NTSR1: variants seen among roughly 807,000 people sequenced by gnomAD.
The protein encoded by NTSR1 is neurotensin receptor 1, also known as neurotensin receptor type 1.
NTSR1 carries 29 observed loss-of-function variants against 31.2 expected under a neutral mutation model. The observed-to-expected ratio is 0.93, with a 90% confidence interval of 0.69 to 1.27. The LOEUF is 1.27. Among genes scored for constraint, NTSR1 ranks in the 50% most tolerant of loss-of-function variants. The pLI, the probability that NTSR1 is intolerant of heterozygous loss-of-function variation, is 0.00. For missense variants in NTSR1, 697 were observed against 595.4 expected (o/e 1.17, Z -1.78); for synonymous variants, 282 against 269.9 (o/e 1.04, Z -0.44).
rs1427583181 is a variant in NTSR1 at position 62,714,619 on chromosome 20, G to T, written c.714+4698G>T. On this transcript the variant is annotated intron_variant, in intron 1 of 3. Transcript: ENST00000370501. The surrounding 1 kb of genome is among the most constrained non-coding windows in gnomAD (Gnocchi z 4.1). Reference sequence around the variant, plus strand: ...AAAGCCATTGAATCTGAATCTCATGGAGCCCCTGATCCAACACACAGGACA... The same window carrying T: ...AAAGCCATTGAATCTGAATCTCATGTAGCCCCTGATCCAACACACAGGACA... Among the ~76,000 whole-genome samples, 1 of 152,110 alleles carries T rather than the reference G, an allele frequency of 6.6e-6. No individual in the cohort carries two copies. The highest frequency in any genetic ancestry group is 1.5e-5 in the Non-Finnish European group (1 of 68,036).
At chr20:62,740,708 C>A (rs1036586144) in intron 1 of NTSR1, among the ~76,000 whole-genome samples, 35 of 152,344 alleles carry the variant, frequency 2.3e-4, no homozygotes, top group African/African-American at 8.2e-4. Flanking sequence ...GGGCCGTGAC[C>A]GGGGCCAGAA....
At chr20:62,752,219 C>T (rs1779941533) in intron 1 of NTSR1, among the ~76,000 whole-genome samples, 1 of 152,226 alleles carries the variant, frequency 6.6e-6, no homozygotes, top group Non-Finnish European at 1.5e-5. Context: ...CCCCCAGCAG[C>T]ATCGCAGGCT....
rs73918683 is a variant in NTSR1, at chr20:62,760,252, C to T, written c.1242C>T (p.Arg414=). ...SNHTLSSNAT[R]ETLY ...ACACCCTCTCCAGCAATGCCACCCG[C>T]GAGACGCTGTACTAGGCTGTGCGCC... The change falls in exon 4 of 4, where the codon CGC becomes CGT. Residue 414 remains arginine, a synonymous_variant. Transcript: ENST00000370501. 15 of 1,611,954 alleles carry T rather than the reference C, an allele frequency of 9.3e-6. No individual in the cohort carries two copies. Among genetic ancestry groups the T allele is most frequent in the Admixed American group, 6.7e-5 (4 of 59,984 alleles).
chr20:62,748,399 T>C (rs1025425500), intron 1 of NTSR1, among the ~76,000 whole-genome samples: 2 of 151,516 alleles, frequency 1.3e-5, no homozygotes, highest in African/African-American at 4.9e-5. Flanking sequence ...AAAATTTCAA[T>C]GACATTTTAC....
intron 1 of NTSR1, among the ~76,000 whole-genome samples, chr20:62,753,595 G>C (rs1332799517): frequency 6.6e-6 from 1 of 152,226 alleles, no homozygotes; most frequent in Non-Finnish European, 1.5e-5. Flanking sequence ...TGGCAGAGAG[G>C]GGGCAGCCTC....
In NTSR1 at chr20:62,711,367, T is replaced by C. The variant is rs1436705479; in HGVS notation, c.714+1446T>C. Among the ~76,000 whole-genome samples, 1 of 152,146 alleles carries C rather than the reference T, an allele frequency of 6.6e-6. No homozygotes were observed. The highest frequency in any genetic ancestry group is 1.9e-4 in the East Asian group (1 of 5,182). ...AGTGAGAAATGACCTCTCCCTCCCT[T>C]TGAGGCTTTATCTGCTCTCCCCAAG... On this transcript the variant is annotated intron_variant, in intron 1 of 3. Coordinates refer to ENST00000370501, the MANE Select transcript of NTSR1 (RefSeq NM_002531.3). This position sits in a 1 kb window ranked among gnomAD's most constrained non-coding sequence, Gnocchi z 6.4.
intron 1 of NTSR1, among the ~76,000 whole-genome samples, chr20:62,721,588 G>A (rs1009714854): frequency 1.3e-5 from 2 of 152,200 alleles, no homozygotes; most frequent in African/African-American, 4.8e-5. Context: ...CCATTCAGGG[G>A]CAGGCTTAGA....
chr20:62,754,870 C>T lies in NTSR1; in HGVS notation c.900C>T (p.His300=), dbSNP rs772417399. The T allele has an allele frequency of 7.5e-6, 12 of 1,601,718 alleles. No homozygotes were observed. Among genetic ancestry groups the T allele is most frequent in the South Asian group, 4.4e-5 (4 of 90,824 alleles). Residue 300 remains histidine, a synonymous_variant, in exon 2 of 4, where the codon CAC becomes CAT. Transcript: ENST00000370501. ...CTGGCAGGGTCCAGGCCCTGCGGCA[C>T]GGCGTGCGCGTCCTACGTACGTAAC... ...IEPGRVQALR[H]GVRVLRAVVI... is the part of the protein sequence containing the mutation.
chr20:62,715,089 A>G lies in NTSR1; in HGVS notation c.714+5168A>G, dbSNP rs1484364899. 6.6e-6 allele frequency among the ~76,000 whole-genome samples: 1 copy of G among 152,226 alleles called. No individual in the cohort carries two copies. Among genetic ancestry groups the G allele is most frequent in the Non-Finnish European group, 1.5e-5 (1 of 68,044 alleles). On this transcript the variant is annotated intron_variant, in intron 1 of 3. Transcript: ENST00000370501. This position sits in a 1 kb window ranked among gnomAD's most constrained non-coding sequence, Gnocchi z 4.7. ...CTGTAATCATGGAAAGTGAGTGTTGATGACATTTTTGGCATGTTTGAAAAA... is the reference window on the plus strand; with the variant it reads ...CTGTAATCATGGAAAGTGAGTGTTGGTGACATTTTTGGCATGTTTGAAAAA...
chr20:62,760,015 C>A lies in NTSR1; in HGVS notation c.1008-3C>A, dbSNP rs78644145. ...GGATCTGAGCGCCTCTCTCTCCCCG[C>A]AGGTTCCTCTATGACTTCTACCACT... is the stretch of plus-strand genomic sequence containing the variant. On this transcript the variant is annotated splice_region_variant and splice_polypyrimidine_tract_variant and intron_variant, in intron 3 of 3. Transcript: ENST00000370501. 0.051 allele frequency: 81,848 copies of A among 1,613,038 alleles called. 2,306 individuals carry two copies. Among genetic ancestry groups the A allele is most frequent in the South Asian group, 0.077 (7,044 of 91,052 alleles).
rs189356619 is a variant in NTSR1 at position 62,722,477 on chromosome 20, C to T, written c.714+12556C>T. Reference sequence around the variant, plus strand: ...GCCTTTCGTGGCCTTGTTCTGTACACGCTGGGCCAGCACAGATCCCACAGG... The same window carrying T: ...GCCTTTCGTGGCCTTGTTCTGTACATGCTGGGCCAGCACAGATCCCACAGG... On this transcript the variant is annotated intron_variant, in intron 1 of 3. Transcript: ENST00000370501. Among the ~76,000 whole-genome samples the T allele has an allele frequency of 1.5e-4, 23 of 152,306 alleles. No homozygotes were observed. The East Asian group carries it at 1.9e-3, about 13-fold the overall frequency.
intron 1 of NTSR1, among the ~76,000 whole-genome samples, chr20:62,753,986 C>T (rs1989435629): frequency 6.6e-6 from 1 of 152,362 alleles, no homozygotes; most frequent in Middle Eastern, 3.4e-3. Context: ...AATCCAGGCA[C>T]AGCCCCCCTT....
At position 62,715,783 on chromosome 20, in the gene NTSR1, C is replaced by T. The variant is rs1024969349; in HGVS notation, c.714+5862C>T. Reference sequence around the variant, plus strand: ...ACCCTGTGCTTGCCAAGAACCACCACAAGCCACCCCACAGGTGAGGCAGGC... The same window carrying T: ...ACCCTGTGCTTGCCAAGAACCACCATAAGCCACCCCACAGGTGAGGCAGGC... On this transcript the variant is annotated intron_variant, in intron 1 of 3. Transcript: ENST00000370501. The surrounding 1 kb of genome is among the most constrained non-coding windows in gnomAD (Gnocchi z 4.7). Among the ~76,000 whole-genome samples, 1 of 152,192 alleles carries T rather than the reference C, an allele frequency of 6.6e-6. No individual in the cohort carries two copies. Among genetic ancestry groups the T allele is most frequent in the Non-Finnish European group, 1.5e-5 (1 of 68,020 alleles).
chr20:62,717,031 G>A (rs953184767), intron 1 of NTSR1, among the ~76,000 whole-genome samples: 8 of 152,196 alleles, frequency 5.3e-5, no homozygotes, highest in East Asian at 1.9e-4. Context: ...GCACAGCTCC[G>A]GAGGGGGACC....
Position 62,758,430 on chromosome 20 carries a change from C to A in NTSR1, c.1007+74C>A. The stretch of plus-strand genomic sequence containing the variant: ...CAAAACAGATGGTGGGTGTGGCAGG[C>A]ACTGCTGAGGGGATCCACTCAGGGC... On this transcript the variant is annotated intron_variant, in intron 3 of 3. Transcript: ENST00000370501. The surrounding 1 kb of genome is among the most constrained non-coding windows in gnomAD (Gnocchi z 4.5). 1.5e-6 allele frequency: 2 copies of A among 1,372,468 alleles called. No individual in the cohort carries two copies. The highest frequency in any genetic ancestry group is 2.1e-6 in the Non-Finnish European group (2 of 970,580). The allele number at this position is 1,372,468 out of a possible 1,614,324, so 85.0% of individuals were successfully genotyped here. A position where few individuals can be genotyped will look rare whatever the true frequency, so the allele number is the denominator to read the frequency against.
In NTSR1 at chr20:62,741,754, A is replaced by C. The variant is rs1989211222; in HGVS notation, c.715-12931A>C. Among the ~76,000 whole-genome samples the C allele has an allele frequency of 6.7e-6, 1 of 149,760 alleles. No individual in the cohort carries two copies. Among genetic ancestry groups the C allele is most frequent in the South Asian group, 2.1e-4 (1 of 4,744 alleles). On this transcript the variant is annotated intron_variant, in intron 1 of 3. Coordinates refer to ENST00000370501, the MANE Select transcript of NTSR1 (RefSeq NM_002531.3). The surrounding 1 kb of genome is among the most constrained non-coding windows in gnomAD (Gnocchi z 4.3). ...CCAAGGAGCCACAGCCTTGGACTAG[A>C]TGCTCTCAAAACCTGGCAATGGCCC... is the stretch of plus-strand genomic sequence containing the variant.
intron 2 of NTSR1, among the ~76,000 whole-genome samples, chr20:62,755,920 C>T (rs569238799): frequency 1.3e-4 from 18 of 135,206 alleles, no homozygotes; most frequent in Non-Finnish European, 2.5e-4. Flanking sequence ...TCCCTCCTTC[C>T]ATCCCTCCTT....
rs1382391038 is a variant in NTSR1 at position 62,714,331 on chromosome 20, A to G, written c.714+4410A>G. 6.6e-6 allele frequency among the ~76,000 whole-genome samples: 1 copy of G among 152,224 alleles called. No homozygotes were observed. Among genetic ancestry groups the G allele is most frequent in the Admixed American group, 6.5e-5 (1 of 15,284 alleles). On this transcript the variant is annotated intron_variant, in intron 1 of 3. Transcript: ENST00000370501. The surrounding 1 kb of genome is among the most constrained non-coding windows in gnomAD (Gnocchi z 4.1). ...GCCCATGACCCTTTAGAGGAAAGGA[A>G]TGGAGTATTTTTCCTGCCTTTTCTA...
intron 1 of NTSR1, among the ~76,000 whole-genome samples, chr20:62,749,207 C>T (rs1369282954): frequency 2.0e-5 from 3 of 152,086 alleles, no homozygotes; most frequent in African/African-American, 7.2e-5. Flanking sequence ...TTTGGGAGGC[C>T]GAGGTGGGCG....
Sources: allele counts gnomAD v4.1 joint callset (sites outside exome capture counted in the v4.1 genomes callset), GRCh38; gene constraint gnomAD v4.1.1; non-coding constraint Gnocchi (gnomAD v3.1); transcripts MANE v1.5; gene names NCBI Gene and HGNC (gene_info 2026-07-23, HGNC 2026-07-21).